The following TYR variants were observed in gnomAD, a reference collection of about 807,000 sequenced individuals.
The protein encoded by TYR is tyrosinase.
A neutral mutation model predicts 51.5 loss-of-function variants in TYR; 58 were observed. The observed-to-expected ratio is 1.13, with a 90% CI of 0.91 to 1.40. TYR has a LOEUF of 1.40. TYR is among the 40% of genes most tolerant of loss of function. The pLI, the probability that TYR is intolerant of heterozygous loss-of-function variation, is 0.00. For missense variants in TYR, 732 were observed against 647.4 expected, an observed-to-expected ratio of 1.13 and a Z score of -1.42; for synonymous variants, 263 against 235.2, an observed-to-expected ratio of 1.12 and a Z score of -1.08.
At chr11:89,271,431 C>A (rs921573527) in intron 3 of TYR, among the ~76,000 whole-genome samples, 2 of 151,888 alleles carry the variant, frequency 1.3e-5, no homozygotes, top group African/African-American at 4.8e-5. Context: ...GGTGCAGTAA[C>A]ATTATGCCTA....
intron 3 of TYR, among the ~76,000 whole-genome samples, chr11:89,232,956 A>G (rs1406396002): frequency 7.0e-6 from 1 of 142,428 alleles, no homozygotes; most frequent in Non-Finnish European, 1.5e-5. Context: ...GGCTGGAGCA[A>G]TTTTTTAAAA....
chr11:89,188,389 C>T (rs594647), intron 1 of TYR, among the ~76,000 whole-genome samples: 85,407 of 151,818 alleles, frequency 0.56, 27,177 homozygotes, highest in African/African-American at 0.89. Context: ...ATAAATCAAT[C>T]ATTCTATGAG....
intron 2 of TYR, among the ~76,000 whole-genome samples, chr11:89,223,529 G>A (rs1201058934): frequency 6.6e-6 from 1 of 152,128 alleles, no homozygotes; most frequent in Non-Finnish European, 1.5e-5. Context: ...AGGTGCCAGA[G>A]TAGAGCTCTC....
intron 3 of TYR, among the ~76,000 whole-genome samples, chr11:89,264,089 G>T (rs987368431): frequency 6.6e-6 from 1 of 151,940 alleles, no homozygotes; most frequent in Non-Finnish European, 1.5e-5. Context: ...ACTTTAAGTG[G>T]GGGAGTATTA....
intron 4 of TYR, among the ~76,000 whole-genome samples, chr11:89,292,550 G>A (rs116746718): frequency 0.024 from 3,586 of 151,984 alleles, 139 homozygotes; most frequent in African/African-American, 0.082. Flanking sequence ...AAATATATGT[G>A]GTCAAAATCT....
intron 2 of TYR, among the ~76,000 whole-genome samples, chr11:89,225,320 A>G (rs1309748715): frequency 6.6e-6 from 1 of 151,888 alleles, no homozygotes; most frequent in Non-Finnish European, 1.5e-5. Context: ...TTTCAAGTAT[A>G]CCATACATTA....
At chr11:89,250,610 G>C (rs1944319414) in intron 3 of TYR, among the ~76,000 whole-genome samples, 1 of 151,846 alleles carries the variant, frequency 6.6e-6, no homozygotes, top group African/African-American at 2.4e-5. Context: ...TGTCTGCAGG[G>C]TTAATTTCTT....
chr11:89,188,657 C>G (rs1255615017), intron 1 of TYR, among the ~76,000 whole-genome samples: 2 of 152,002 alleles, frequency 1.3e-5, no homozygotes, highest in African/African-American at 4.8e-5. Context: ...TGCTAACCAG[C>G]TCTACAACAC....
intron 3 of TYR, among the ~76,000 whole-genome samples, chr11:89,232,545 A>G (rs1944064230): frequency 7.0e-6 from 1 of 141,930 alleles, no homozygotes. Flanking sequence ...GGGAACTACT[A>G]GAGTGAAGAG....
At chr11:89,267,789 A>G (rs1015701919) in intron 3 of TYR, among the ~76,000 whole-genome samples, 2 of 151,792 alleles carry the variant, frequency 1.3e-5, no homozygotes, top group African/African-American at 4.8e-5. Context: ...AAAATGGGCA[A>G]GTCATATAGG....
At chr11:89,275,070 G>C (rs1011226719) in intron 3 of TYR, among the ~76,000 whole-genome samples, 10 of 151,758 alleles carry the variant, frequency 6.6e-5, no homozygotes, top group African/African-American at 2.4e-4. Flanking sequence ...GCCAGTGATG[G>C]TCTTTGGCTC....
intron 2 of TYR, among the ~76,000 whole-genome samples, chr11:89,195,297 G>A (rs1477666196): frequency 1.3e-5 from 2 of 152,090 alleles, no homozygotes; most frequent in Non-Finnish European, 2.9e-5. Flanking sequence ...TTTTATTTTT[G>A]TCTACTGAAG....
chr11:89,223,876 T>A (rs973563088), intron 2 of TYR, among the ~76,000 whole-genome samples: 1 of 151,660 alleles, frequency 6.6e-6, no homozygotes, highest in Non-Finnish European at 1.5e-5. Context: ...CACAATGTAT[T>A]CCGACAAATT....
At chr11:89,181,279 G>C (rs756616920) in intron 1 of TYR, among the ~76,000 whole-genome samples, 1 of 152,196 alleles carries the variant, frequency 6.6e-6, no homozygotes. Flanking sequence ...GACTCCCAAA[G>C]TGCTGGGATT....
At chr11:89,199,696 T>C (rs564072830) in intron 2 of TYR, among the ~76,000 whole-genome samples, 2 of 152,326 alleles carry the variant, frequency 1.3e-5, no homozygotes, top group South Asian at 4.1e-4. Context: ...AAAAAATGTT[T>C]CCCTTTTTCT....
intron 2 of TYR, among the ~76,000 whole-genome samples, chr11:89,197,016 G>T (rs1943528542): frequency 6.6e-6 from 1 of 152,114 alleles, no homozygotes. Flanking sequence ...ATAAAATGAG[G>T]TAGGAACCCA....
At chr11:89,275,277 C>A (rs1267383657) in intron 3 of TYR, among the ~76,000 whole-genome samples, 5 of 151,862 alleles carry the variant, frequency 3.3e-5, no homozygotes, top group African/African-American at 1.2e-4. Context: ...CTTTGAAAGG[C>A]CTGCTAATGC....
chr11:89,284,216 T>G (rs1189443203), intron 3 of TYR, among the ~76,000 whole-genome samples: 1 of 151,822 alleles, frequency 6.6e-6, no homozygotes, highest in African/African-American at 2.4e-5. Context: ...ATACTCTAAC[T>G]TTAGAAAAAG....
At chr11:89,263,668 T>G (rs558480559) in intron 3 of TYR, among the ~76,000 whole-genome samples, 1 of 151,916 alleles carries the variant, frequency 6.6e-6, no homozygotes, top group South Asian at 2.1e-4. Flanking sequence ...AATCAATATA[T>G]AAAAATCAGT....
Sources: allele counts gnomAD v4.1 joint callset (sites outside exome capture counted in the v4.1 genomes callset), GRCh38; gene constraint gnomAD v4.1.1; transcripts MANE v1.5; gene names NCBI Gene and HGNC (gene_info 2026-07-23, HGNC 2026-07-21).